Variants in SWT1 observed in about 807,000 individuals in gnomAD.
SWT1 encodes the protein SWT1 RNA endoribonuclease homolog.
SWT1 carries 33 observed loss-of-function variants against 107.3 expected under a neutral mutation model. The observed-to-expected ratio is 0.31, with a 90% CI of 0.23 to 0.41. SWT1 has a LOEUF of 0.41. SWT1 is among the 10% of genes least tolerant of loss of function. The probability of loss-of-function intolerance (pLI) is 1.00; values close to 1 mark genes in which losing one functional copy is unlikely to be tolerated. For synonymous variants in SWT1, 345 were observed against 348.3 expected, an observed-to-expected ratio of 0.99 and a Z score of 0.11; for missense variants, 898 against 1,028.9, an observed-to-expected ratio of 0.87 and a Z score of 1.74.
intron 5 of SWT1, 27 bp from the exon 6 acceptor site, chr1:185,180,364 T>G: frequency 6.3e-7 from 1 of 1,585,910 alleles, no homozygotes; most frequent in African/African-American, 1.3e-5. Flanking sequence ...GCTTTATTCT[T>G]AGCTAATGAA....
intron 4 of SWT1, among the ~76,000 whole-genome samples, chr1:185,168,602 C>G (rs1232053863): frequency 6.6e-6 from 1 of 152,074 alleles, no homozygotes; most frequent in African/African-American, 2.4e-5. Context: ...TCTATGAAAA[C>G]TATTGTGTAA....
intron 14 of SWT1, among the ~76,000 whole-genome samples, chr1:185,217,615 C>T (rs550060191): frequency 1.3e-5 from 2 of 151,688 alleles, no homozygotes; most frequent in African/African-American, 4.8e-5. Context: ...CTCCCTTCCT[C>T]TCTAGAGTTC....
intron 14 of SWT1, among the ~76,000 whole-genome samples, chr1:185,219,588 A>G (rs1481986741): frequency 6.6e-6 from 1 of 152,204 alleles, no homozygotes; most frequent in Non-Finnish European, 1.5e-5. Context: ...AAGTTTACAA[A>G]GCATATTTAT....
rs757959020 is a variant in SWT1, at chr1:185,174,786, G to A, written c.639G>A (p.Gln213=). The A allele has an allele frequency of 1.2e-5, 20 of 1,611,508 alleles. No individual in the cohort carries two copies. In the African/African-American group the frequency reaches 2.4e-4, roughly 19 times the overall value. The change falls in exon 5 of 19, where the codon CAG becomes CAA. Residue 213 remains glutamine, a synonymous_variant. Transcript: ENST00000367500. ...AATGGAAGAGAAATCAATTTTCTCA[G>A]GATTATAACTCCAACAAGATAATTA... ...LEKWKRNQFS[Q]DYNSNKIIKE...
At chr1:185,270,698 G>T (rs1184320862) in intron 16 of SWT1, among the ~76,000 whole-genome samples, 1 of 152,136 alleles carries the variant, frequency 6.6e-6, no homozygotes, top group Admixed American at 6.5e-5. Context: ...GACAGAGTGA[G>T]ACCTGGTCTC....
At chr1:185,169,729 C>A (rs1464168390) in intron 4 of SWT1, among the ~76,000 whole-genome samples, 1 of 151,816 alleles carries the variant, frequency 6.6e-6, no homozygotes, top group Non-Finnish European at 1.5e-5. Flanking sequence ...CCCATCTCTA[C>A]ACACACAATT....
chr1:185,221,944 T>G lies in SWT1; in HGVS notation c.2217T>G (p.Thr739=), dbSNP rs1442702773. ...AGAATTCTCATAATCAAGAAATCACTGTTTTCTCGAGTTCTCATCTTCCCC... is the reference window on the plus strand; with the variant it reads ...AGAATTCTCATAATCAAGAAATCACGGTTTTCTCGAGTTCTCATCTTCCCC... ...SLKNSHNQEI[T]VFSSSHLPQP... is the part of the protein sequence containing the mutation. The change falls in exon 15 of 19, where the codon ACT becomes ACG. Residue 739 remains threonine (T), a synonymous_variant. Coordinates refer to ENST00000367500, the MANE Select transcript of SWT1 (RefSeq NM_017673.7). 1.6e-5 allele frequency: 25 copies of G among 1,612,568 alleles called. No homozygotes were observed. The highest frequency in any genetic ancestry group is 1.9e-5 in the Non-Finnish European group (22 of 1,179,296).
At chr1:185,235,732 G>A (rs965545878) in intron 16 of SWT1, among the ~76,000 whole-genome samples, 1 of 152,114 alleles carries the variant, frequency 6.6e-6, no homozygotes, top group African/African-American at 2.4e-5. Flanking sequence ...GAAATAAAGG[G>A]TATTCAAATA....
intron 15 of SWT1, 128 bp from the exon 16 acceptor site, chr1:185,231,449 A>G (rs1208455102): frequency 1.4e-6 from 1 of 717,936 alleles, no homozygotes; most frequent in Non-Finnish European, 2.3e-6. Flanking sequence ...TCTAATTTAA[A>G]TAGATCAGCA....
intron 15 of SWT1, among the ~76,000 whole-genome samples, chr1:185,223,035 T>A (rs1201383700): frequency 6.6e-6 from 1 of 152,200 alleles, no homozygotes; most frequent in African/African-American, 2.4e-5. Flanking sequence ...CTCTTTGACA[T>A]ACTCATTTCA....
At chr1:185,287,527 G>A (rs963609884) in intron 18 of SWT1, among the ~76,000 whole-genome samples, 1 of 152,064 alleles carries the variant, frequency 6.6e-6, no homozygotes, top group Non-Finnish European at 1.5e-5. Flanking sequence ...TCAGATAGAT[G>A]GTTTTTATAG....
intron 9 of SWT1, among the ~76,000 whole-genome samples, chr1:185,185,917 G>A (rs1185556628): frequency 1.3e-5 from 2 of 152,098 alleles, no homozygotes; most frequent in African/African-American, 4.8e-5. Context: ...AGTAGCTTTA[G>A]TTGACTATAA....
intron 16 of SWT1, among the ~76,000 whole-genome samples, chr1:185,248,172 A>G (rs1661742327): frequency 6.6e-6 from 1 of 152,260 alleles, no homozygotes; most frequent in African/African-American, 2.4e-5. Context: ...TATAGAAAGA[A>G]GCAGAGGGTA....
At chr1:185,278,067 T>C (rs1383361371) in intron 18 of SWT1, among the ~76,000 whole-genome samples, 3 of 152,104 alleles carry the variant, frequency 2.0e-5, no homozygotes, top group East Asian at 1.9e-4. Context: ...CAAGCAGTCC[T>C]CCTGCCTTGG....
chr1:185,215,949 A>G (rs1659184413), intron 14 of SWT1, among the ~76,000 whole-genome samples: 1 of 152,176 alleles, frequency 6.6e-6, no homozygotes, highest in South Asian at 2.1e-4. Flanking sequence ...TTTATCCAGT[A>G]TAGATATTAT....
intron 15 of SWT1, among the ~76,000 whole-genome samples, chr1:185,228,565 C>T (rs1187336746): frequency 6.6e-6 from 1 of 152,062 alleles, no homozygotes; most frequent in Non-Finnish European, 1.5e-5. Context: ...AAATTTTAGC[C>T]ATGGATCCAA....
intron 5 of SWT1, 87 bp downstream of exon 5, chr1:185,175,200 CTGT>C: frequency 1.1e-6 from 1 of 925,790 alleles, no homozygotes. Context: ...ATATTTTTTT[CTGT>C]TTTTTTTTTT....
chr1:185,219,467 A>G (rs1411991274), intron 14 of SWT1, among the ~76,000 whole-genome samples: 1 of 152,220 alleles, frequency 6.6e-6, no homozygotes, highest in Non-Finnish European at 1.5e-5. Context: ...TGGAAATTTT[A>G]TTTAAAAAAA....
chr1:185,176,949 A>G, intron 5 of SWT1: 1 of 796,012 alleles, frequency 1.3e-6, no homozygotes, highest in South Asian at 5.8e-5. Flanking sequence ...GCGCCACTGC[A>G]CTCCAGCCTG....
Sources: allele counts gnomAD v4.1 joint callset (sites outside exome capture counted in the v4.1 genomes callset), GRCh38; gene constraint gnomAD v4.1.1; transcripts MANE v1.5; gene names NCBI Gene and HGNC (gene_info 2026-07-23, HGNC 2026-07-21).